Variants in NHSL3 observed in about 807,000 individuals in gnomAD.
NHSL3 encodes the protein NHS like 3.
the NHSL3 span, among the ~76,000 whole-genome samples, chr1:32,758,648 G>A: frequency 6.6e-6 from 1 of 151,996 alleles, no homozygotes; most frequent in East Asian, 1.9e-4. Flanking sequence ...GCTGCCCCAG[G>A]CCCCGACTCA....
chr1:32,748,420 C>G, the NHSL3 span, among the ~76,000 whole-genome samples: 1 of 152,116 alleles, frequency 6.6e-6, no homozygotes, highest in East Asian at 1.9e-4. Context: ...GGGCGCCTTG[C>G]CCTTCTGAGG....
chr1:32,769,870 T>C, the NHSL3 span: 1 of 1,611,162 alleles, frequency 6.2e-7, no homozygotes, highest in East Asian at 2.2e-5. Flanking sequence ...CTCCTCCCTG[T>C]CCCTTCCAGG....
chr1:32,754,259 C>G, the NHSL3 span: 1 of 658,958 alleles, frequency 1.5e-6, no homozygotes. Flanking sequence ...TGCCCCCTCC[C>G]GGGGCTTGGA....
chr1:32,770,288 G>A, the NHSL3 span: 4 of 1,608,776 alleles, frequency 2.5e-6, no homozygotes, highest in East Asian at 8.9e-5. This position sits in a 1 kb window ranked among gnomAD's most constrained non-coding sequence, Gnocchi z 8.3. Context: ...GTGGCCCTAG[G>A]CCGCTGCAGC....
At chr1:32,751,522 T>C in the NHSL3 span, among the ~76,000 whole-genome samples, 1 of 152,186 alleles carries the variant, frequency 6.6e-6, no homozygotes. Flanking sequence ...AACTATTGTC[T>C]GAAGGCAAGT....
the NHSL3 span, among the ~76,000 whole-genome samples, chr1:32,754,980 A>G: frequency 6.6e-6 from 1 of 151,204 alleles, no homozygotes; most frequent in Non-Finnish European, 1.5e-5. Context: ...CCCCCTTTCA[A>G]TGCAGCCACC....
At chr1:32,756,371 G>A in the NHSL3 span, among the ~76,000 whole-genome samples, 2 of 151,720 alleles carry the variant, frequency 1.3e-5, no homozygotes, top group African/African-American at 4.8e-5. Flanking sequence ...GAGGTCAGGC[G>A]AGGTGGTTTA....
At chr1:32,763,419 C>T in the NHSL3 span, among the ~76,000 whole-genome samples, 14 of 152,148 alleles carry the variant, frequency 9.2e-5, no homozygotes, top group Non-Finnish European at 2.1e-4. Context: ...GCCATACTGG[C>T]CTCCTCTCTC....
the NHSL3 span, among the ~76,000 whole-genome samples, chr1:32,756,220 C>T: frequency 1.2e-4 from 18 of 152,140 alleles, no homozygotes; most frequent in Non-Finnish European, 2.5e-4. Flanking sequence ...TTGGGGTCAG[C>T]TTTAGAAAAC....
the NHSL3 span, among the ~76,000 whole-genome samples, chr1:32,752,523 A>G: frequency 3.3e-5 from 5 of 152,186 alleles, no homozygotes; most frequent in Non-Finnish European, 2.9e-5. Context: ...CAGGTCCCTC[A>G]GCACAAGGAC....
At chr1:32,742,578 G>A in the NHSL3 span, among the ~76,000 whole-genome samples, 1 of 152,228 alleles carries the variant, frequency 6.6e-6, no homozygotes, top group African/African-American at 2.4e-5. Flanking sequence ...AGGTGGCCTT[G>A]GGTCTCTGGT....
the NHSL3 span, among the ~76,000 whole-genome samples, chr1:32,769,212 C>T: frequency 6.6e-6 from 1 of 152,014 alleles, no homozygotes; most frequent in South Asian, 2.1e-4. Flanking sequence ...CGAGATTGCA[C>T]CACTGCACTC....
chr1:32,746,355 G>A, the NHSL3 span, among the ~76,000 whole-genome samples: 1 of 152,186 alleles, frequency 6.6e-6, no homozygotes, highest in Non-Finnish European at 1.5e-5. Context: ...TTCTGGGACA[G>A]ATGCCAGGAT....
chr1:32,744,469 T>A, the NHSL3 span, among the ~76,000 whole-genome samples: 2 of 152,148 alleles, frequency 1.3e-5, no homozygotes, highest in Non-Finnish European at 2.9e-5. Flanking sequence ...CCAAACGGAT[T>A]TAAACTCAAA....
At chr1:32,767,776 C>G in the NHSL3 span, 1 of 1,595,358 alleles carries the variant, frequency 6.3e-7, no homozygotes, top group Admixed American at 1.7e-5. Flanking sequence ...CTTCCTCCTC[C>G]CTCCTACTAG....
At chr1:32,761,621 G>A in the NHSL3 span, among the ~76,000 whole-genome samples, 1 of 152,146 alleles carries the variant, frequency 6.6e-6, no homozygotes, top group Non-Finnish European at 1.5e-5. Context: ...TCTGAGCCTC[G>A]CAGGCCCATG....
the NHSL3 span, chr1:32,765,601 G>A: frequency 6.7e-7 from 1 of 1,502,744 alleles, no homozygotes; most frequent in Non-Finnish European, 8.9e-7. Flanking sequence ...AAGGTGGGAG[G>A]AGGACATGGA....
chr1:32,770,516 CGGCTAGCAA>C, the NHSL3 span: 1 of 1,555,116 alleles, frequency 6.4e-7, no homozygotes, highest in Non-Finnish European at 8.7e-7. The surrounding 1 kb of genome is among the most constrained non-coding windows in gnomAD (Gnocchi z 8.3). Context: ...GAGAGCTCTA[CGGCTAGCAA>C]TAGCGTGGTA....
the NHSL3 span, among the ~76,000 whole-genome samples, chr1:32,761,222 C>A: frequency 6.6e-6 from 1 of 152,142 alleles, no homozygotes; most frequent in African/African-American, 2.4e-5. Flanking sequence ...TCTTTCCACT[C>A]TCTGGACCTC....
Sources: allele counts gnomAD v4.1 joint callset (sites outside exome capture counted in the v4.1 genomes callset), GRCh38; gene constraint gnomAD v4.1.1; non-coding constraint Gnocchi (gnomAD v3.1); transcripts MANE v1.5; gene names NCBI Gene and HGNC (gene_info 2026-07-23, HGNC 2026-07-21).